TMEM131L: variants seen among roughly 807,000 people sequenced by gnomAD.
The protein encoded by TMEM131L is transmembrane 131 like.
Under a neutral mutation model 192.2 loss-of-function variants are expected in TMEM131L, and 54 were observed. The ratio of observed to expected loss-of-function variants is 0.28; its 90% CI spans 0.23 to 0.35. TMEM131L has a LOEUF of 0.35. TMEM131L is among the 10% of genes least tolerant of loss of function. The pLI is 1.00. For missense variants in TMEM131L, 1,888 were observed against 1,972.9 expected (o/e 0.96, Z 0.82); for synonymous variants, 701 against 704.9 (o/e 0.99, Z 0.09).
Position 153,604,252 on chromosome 4 carries a change from A to G in TMEM131L, c.3240A>G (p.Ile1080Met). 2 of 1,614,142 alleles carry G rather than the reference A, an allele frequency of 1.2e-6. No individual in the cohort carries two copies. The highest frequency in any genetic ancestry group is 1.7e-6 in the Non-Finnish European group (2 of 1,179,988). ...CAGAATGTAGTATGAAGGAGGGAATACAGACATGTATGTTTCCTAAGGAAA... is the reference window on the plus strand; with the variant it reads ...CAGAATGTAGTATGAAGGAGGGAATGCAGACATGTATGTTTCCTAAGGAAA... ...PSSECSMKEG[I>M]QTCMFPKETD... Residue 1080 changes from isoleucine to methionine, a missense_variant, in exon 25 of 35, where the codon ATA (isoleucine) becomes ATG (methionine). By Grantham distance (10) the Ile-to-Met change is conservative. Coordinates refer to ENST00000409959, the MANE Select transcript of TMEM131L (RefSeq NM_001131007.2).
intron 2 of TMEM131L, among the ~76,000 whole-genome samples, chr4:153,470,561 T>C (rs1731080185): frequency 6.6e-6 from 1 of 152,236 alleles, no homozygotes; most frequent in Admixed American, 6.5e-5. Flanking sequence ...TTCTTACATT[T>C]ACAGAAATTT....
At chr4:153,617,048 T>G (rs149124751) in intron 26 of TMEM131L, among the ~76,000 whole-genome samples, 1 of 152,244 alleles carries the variant, frequency 6.6e-6, no homozygotes, top group East Asian at 1.9e-4. Flanking sequence ...AATCTCATCT[T>G]GAATTGTAAC....
At chr4:153,631,205 G>A (rs1248371798) in intron 31 of TMEM131L, among the ~76,000 whole-genome samples, 2 of 152,234 alleles carry the variant, frequency 1.3e-5, no homozygotes, top group African/African-American at 2.4e-5. Context: ...GCCTGATCCA[G>A]CCATCAGTGA....
chr4:153,541,607 C>T (rs550181411), intron 3 of TMEM131L, among the ~76,000 whole-genome samples: 4 of 152,300 alleles, frequency 2.6e-5, no homozygotes, highest in Non-Finnish European at 4.4e-5. Flanking sequence ...GATGGAAACA[C>T]GAGTCAGGAG....
At chr4:153,518,865 G>A (rs1734917682) in intron 3 of TMEM131L, among the ~76,000 whole-genome samples, 2 of 152,180 alleles carry the variant, frequency 1.3e-5, no homozygotes, top group South Asian at 4.1e-4. Context: ...CTATCCTAAC[G>A]GTGCCTGCCC....
intron 17 of TMEM131L, 119 bp downstream of exon 17, chr4:153,591,313 A>G: frequency 1.1e-6 from 1 of 912,290 alleles, no homozygotes; most frequent in Non-Finnish European, 1.6e-6. Context: ...AGGCGATGTC[A>G]AAAGAACTAG....
chr4:153,525,897 G>A (rs1005785632), intron 3 of TMEM131L, among the ~76,000 whole-genome samples: 7 of 150,334 alleles, frequency 4.7e-5, no homozygotes, highest in Middle Eastern at 6.4e-3. Context: ...TCGCTCTGTC[G>A]CCAGGCTAGA....
At chr4:153,471,149 G>A (rs971736530) in intron 2 of TMEM131L, among the ~76,000 whole-genome samples, 1 of 152,012 alleles carries the variant, frequency 6.6e-6, no homozygotes, top group East Asian at 1.9e-4. Context: ...CACCATGCCC[G>A]GCTAATTTTT....
intron 3 of TMEM131L, among the ~76,000 whole-genome samples, chr4:153,486,132 T>C (rs1185191041): frequency 1.3e-5 from 2 of 152,184 alleles, no homozygotes; most frequent in Non-Finnish European, 2.9e-5. Context: ...CCTAGTATTA[T>C]ATGGTTCCTA....
intron 26 of TMEM131L, among the ~76,000 whole-genome samples, chr4:153,620,457 AG>A (rs1182678719): frequency 6.6e-6 from 1 of 152,222 alleles, no homozygotes; most frequent in Non-Finnish European, 1.5e-5. Context: ...TGAAGGTTGG[AG>A]GATTTATTGC....
intron 9 of TMEM131L, among the ~76,000 whole-genome samples, 160 bp from the exon 10 acceptor site, chr4:153,583,030 C>T (rs1165371806): frequency 6.6e-6 from 1 of 151,264 alleles, no homozygotes; most frequent in Non-Finnish European, 1.5e-5. Context: ...AAAGAAAACA[C>T]CTCCTAGTTT....
chr4:153,553,152 G>T (rs59900824), intron 4 of TMEM131L, among the ~76,000 whole-genome samples: 1 of 152,024 alleles, frequency 6.6e-6, no homozygotes, highest in Non-Finnish European at 1.5e-5. Context: ...ACTTAGTTAC[G>T]TTTATATAAT....
intron 3 of TMEM131L, among the ~76,000 whole-genome samples, chr4:153,484,614 G>C (rs1436846550): frequency 6.7e-6 from 1 of 149,846 alleles, no homozygotes; most frequent in African/African-American, 2.4e-5. Context: ...GAATACAGGC[G>C]CCCGCCACCA....
intron 3 of TMEM131L, among the ~76,000 whole-genome samples, chr4:153,477,138 G>A (rs1174582458): frequency 6.6e-6 from 1 of 152,174 alleles, no homozygotes; most frequent in East Asian, 1.9e-4. Context: ...GAGTGTGAGG[G>A]AAAGAGAAAT....
chr4:153,535,421 T>C (rs544241119), intron 3 of TMEM131L, among the ~76,000 whole-genome samples: 1 of 152,080 alleles, frequency 6.6e-6, no homozygotes, highest in African/African-American at 2.4e-5. Flanking sequence ...TCACGTTGGA[T>C]CAGATAAGCA....
chr4:153,556,747 C>T (rs532428866), intron 5 of TMEM131L, among the ~76,000 whole-genome samples: 15 of 152,212 alleles, frequency 9.9e-5, no homozygotes, highest in East Asian at 3.9e-4. Flanking sequence ...CAGTCTGAAG[C>T]GAAAGGATTC....
chr4:153,493,336 A>C (rs1410823278), intron 3 of TMEM131L, among the ~76,000 whole-genome samples: 4 of 100,326 alleles, frequency 4.0e-5, no homozygotes, highest in Non-Finnish European at 5.8e-5. Context: ...ACAGAGTGAG[A>C]CTCTGTCTCA....
Position 153,555,941 on chromosome 4 carries a change from C to A in TMEM131L, c.432+31C>A. 2.6e-6 allele frequency: 4 copies of A among 1,542,244 alleles called. No individual in the cohort carries two copies. The highest frequency in any genetic ancestry group is 3.5e-6 in the Non-Finnish European group (4 of 1,141,736). Reference sequence around the variant, plus strand: ...TGTTGATGGACTCCTGGAAACTATGCCGTGGCAGGCAGCCAGGTTTTCTTG... The same window carrying A: ...TGTTGATGGACTCCTGGAAACTATGACGTGGCAGGCAGCCAGGTTTTCTTG... On this transcript the variant is annotated intron_variant, in intron 5 of 34. Transcript: ENST00000409959. This position sits in a 1 kb window ranked among gnomAD's most constrained non-coding sequence, Gnocchi z 4.1.
At chr4:153,484,729 A>G (rs1732194349) in intron 3 of TMEM131L, among the ~76,000 whole-genome samples, 2 of 147,182 alleles carry the variant, frequency 1.4e-5, no homozygotes, top group Admixed American at 1.4e-4. Context: ...CGGCCTCCCA[A>G]AGTGCTGAGA....
Sources: gnomAD v4.1 joint callset for allele counts (sites outside exome capture counted in the v4.1 genomes callset) on GRCh38, gnomAD v4.1.1 for gene constraint, Gnocchi (gnomAD v3.1) non-coding constraint, MANE v1.5 for transcripts, NCBI Gene and HGNC (gene_info 2026-07-23, HGNC 2026-07-21) for gene names.